BACH1: variants seen among roughly 807,000 people sequenced by gnomAD.
BACH1 encodes the protein transcription regulator protein BACH1.
A neutral mutation model predicts 52.9 loss-of-function variants in BACH1; 35 were observed. The ratio of observed to expected loss-of-function variants is 0.66; its 90% CI spans 0.51 to 0.88. The LOEUF is 0.88. Among genes scored for constraint, BACH1 ranks in the 40% least tolerant of loss-of-function variants. The pLI, the probability that BACH1 is intolerant of heterozygous loss-of-function variation, is 0.00. For synonymous variants in BACH1, 321 were observed against 319.6 expected (o/e 1.00, Z -0.05); for missense variants, 808 against 872.6 (o/e 0.93, Z 0.93).
chr21:29,318,674 G>C (rs1004729271), intron 1 of BACH1, among the ~76,000 whole-genome samples: 1 of 152,198 alleles, frequency 6.6e-6, no homozygotes, highest in Non-Finnish European at 1.5e-5. Context: ...CTGGTGGCAG[G>C]ATGAGAAGCG....
downstream of BACH1, among the ~76,000 whole-genome samples, chr21:29,350,818 AG>A (rs1000539865): frequency 6.8e-4 from 103 of 152,308 alleles, no homozygotes; most frequent in African/African-American, 2.4e-3. Flanking sequence ...AATTACGTGG[AG>A]GCAGAGTCTG....
intron 2 of BACH1, among the ~76,000 whole-genome samples, chr21:29,351,186 T>C (rs1211293823): frequency 2.6e-5 from 4 of 152,228 alleles, no homozygotes; most frequent in East Asian, 1.9e-4. Context: ...AAACAGTTAA[T>C]TTCCTTCTTT....
chr21:29,313,289 C>A (rs1055484495), intron 1 of BACH1, among the ~76,000 whole-genome samples: 11 of 152,200 alleles, frequency 7.2e-5, no homozygotes, highest in African/African-American at 2.7e-4. Context: ...ACACGTCTTA[C>A]GTAGAGCATT....
intron 1 of BACH1, among the ~76,000 whole-genome samples, chr21:29,317,570 TTGAGA>T (rs2088802240): frequency 6.6e-6 from 1 of 152,100 alleles, no homozygotes; most frequent in African/African-American, 2.4e-5. Context: ...GGGCAATGGC[TTGAGA>T]TAAGTCTGGA....
At chr21:29,330,552 G>A (rs764016883) in intron 4 of BACH1, among the ~76,000 whole-genome samples, 2 of 151,882 alleles carry the variant, frequency 1.3e-5, no homozygotes, top group African/African-American at 2.4e-5. Context: ...TCTTTTTTCC[G>A]TTGGTGGAAG....
intron 4 of BACH1, among the ~76,000 whole-genome samples, chr21:29,339,362 GA>G (rs2089083540): frequency 6.6e-6 from 1 of 152,096 alleles, no homozygotes; most frequent in South Asian, 2.1e-4. Context: ...TCTTATGAGT[GA>G]AAATGAGCAT....
intron 4 of BACH1, among the ~76,000 whole-genome samples, chr21:29,330,973 A>T (rs1409277764): frequency 6.6e-6 from 1 of 151,754 alleles, no homozygotes; most frequent in East Asian, 1.9e-4. Flanking sequence ...AAAACAAAAA[A>T]CCCAAACACC....
chr21:29,331,305 C>T (rs138937894), intron 4 of BACH1, among the ~76,000 whole-genome samples: 11 of 152,270 alleles, frequency 7.2e-5, no homozygotes, highest in African/African-American at 2.4e-4. Flanking sequence ...TGCTCTTTCT[C>T]GTCTGCCAGC....
intron 1 of BACH1, among the ~76,000 whole-genome samples, chr21:29,320,953 G>T (rs1473917364): frequency 6.6e-6 from 1 of 152,120 alleles, no homozygotes; most frequent in Non-Finnish European, 1.5e-5. Flanking sequence ...GTTACTCAGT[G>T]TGTAATGTCT....
At chr21:29,312,267 T>C (rs2088733789) in intron 1 of BACH1, among the ~76,000 whole-genome samples, 1 of 152,124 alleles carries the variant, frequency 6.6e-6, no homozygotes, top group African/African-American at 2.4e-5. Flanking sequence ...GTGGGAGCCT[T>C]AACTGGGATA....
At chr21:29,329,344 T>TGAAAAA in intron 3 of BACH1, 143 bp from the exon 4 acceptor site, 1 of 530,174 alleles carries the variant, frequency 1.9e-6, no homozygotes, top group South Asian at 5.0e-5. Flanking sequence ...TTTGAGATTG[T>TGAAAAA]ATAGAAATTG....
chr21:29,349,093 CAA>C (rs35556925), downstream of BACH1, among the ~76,000 whole-genome samples: 23 of 122,358 alleles, frequency 1.9e-4, no homozygotes, highest in Admixed American at 2.5e-4. Context: ...GACTCCGTCT[CAA>C]AAAAAAAAAA....
In BACH1 at chr21:29,342,778, G is replaced by C. The variant is rs763007674; in HGVS notation, c.2156G>C (p.Gly719Ala). Residue 719 changes from glycine (G) to alanine (A), a missense_variant, in exon 5 of 5, where the codon GGT becomes GCT. Transcript: ENST00000286800. The part of the protein sequence containing the change: ...AGPAEQCRQS[G>A]GISDFCQQMT... ...CCTGCGGAACAGTGTCGTCAGAGTG[G>C]TGGGATCTCAGATTTCTGTCAGCAG... 2 of 1,612,230 alleles carry C rather than the reference G, an allele frequency of 1.2e-6. No homozygotes were observed. Among genetic ancestry groups the C allele is most frequent in the Non-Finnish European group, 1.7e-6 (2 of 1,178,450 alleles).
chr21:29,337,666 A>AG (rs1039994802), intron 4 of BACH1, among the ~76,000 whole-genome samples: 1 of 152,132 alleles, frequency 6.6e-6, no homozygotes, highest in Non-Finnish European at 1.5e-5. Context: ...ACTTGGACAC[A>AG]GGGTGGGGAA....
Position 29,342,688 on chromosome 21 carries a change from A to G in BACH1, c.2066A>G (p.Glu689Gly), listed in dbSNP as rs1327558786. ...VLPPCARGNS[E>G]PGYARGQESQ... The stretch of plus-strand genomic sequence containing the variant: ...CCTCCCTGTGCCAGAGGAAACAGTG[A>G]GCCTGGCTACGCGCGAGGGCAGGAG... The change falls in exon 5 of 5, where the codon GAG becomes GGG. Residue 689 changes from glutamate to glycine, a missense_variant. Glu to Gly is a moderately conservative substitution (Grantham distance 98). Coordinates refer to ENST00000286800, the MANE Select transcript of BACH1 (RefSeq NM_001186.4). 6.2e-7 allele frequency: 1 copy of G among 1,614,216 alleles called. No individual in the cohort carries two copies. The highest frequency in any genetic ancestry group is 8.5e-7 in the Non-Finnish European group (1 of 1,180,036).
At chr21:29,333,778 G>A (rs1220778143) in intron 4 of BACH1, among the ~76,000 whole-genome samples, 2 of 152,192 alleles carry the variant, frequency 1.3e-5, no homozygotes, top group Non-Finnish European at 2.9e-5. Flanking sequence ...TGCAAAGTGG[G>A]TTAGTATTAT....
intron 2 of BACH1, among the ~76,000 whole-genome samples, chr21:29,352,995 G>T (rs1462491904): frequency 6.6e-6 from 1 of 152,104 alleles, no homozygotes; most frequent in Non-Finnish European, 1.5e-5. Context: ...TTACAGGCAT[G>T]AGCCACTGTG....
chr21:29,329,519 T>G lies in BACH1; in HGVS notation c.1602T>G (p.Ile534Met), dbSNP rs2088956253. The G allele has an allele frequency of 6.3e-7, 1 of 1,596,424 alleles. No homozygotes were observed. The highest frequency in any genetic ancestry group is 8.5e-7 in the Non-Finnish European group (1 of 1,173,200). ...VKLPFNAQRI[I>M]SLSRNDFQSL... ...TGCCATTCAATGCACAACGGATAAT[T>G]TCACTGTCTCGAAATGATTTTCAGT... Residue 534 changes from isoleucine (I) to methionine (M), a missense_variant, in exon 4 of 5, where the codon ATT becomes ATG. By Grantham distance (10) the Ile-to-Met change is conservative (BLOSUM62 1). Transcript: ENST00000286800.
chr21:29,337,705 G>C (rs186047996), intron 4 of BACH1, among the ~76,000 whole-genome samples: 14 of 152,126 alleles, frequency 9.2e-5, no homozygotes, highest in Non-Finnish European at 1.6e-4. Flanking sequence ...GTCGTCGGGT[G>C]GGGGAGTGGG....
Sources: allele counts gnomAD v4.1 joint callset (sites outside exome capture counted in the v4.1 genomes callset), GRCh38; gene constraint gnomAD v4.1.1; transcripts MANE v1.5; gene names NCBI Gene and HGNC (gene_info 2026-07-23, HGNC 2026-07-21).